The following GRIK2 variants were observed in gnomAD, a reference collection of about 807,000 sequenced individuals.
The protein encoded by GRIK2 is glutamate ionotropic receptor kainate type subunit 2, also known as glutamate receptor ionotropic, kainate 2.
A neutral mutation model predicts 100.3 loss-of-function variants in GRIK2; 32 were observed. The ratio of observed to expected loss-of-function variants is 0.32; its 90% CI spans 0.24 to 0.43. GRIK2 has a LOEUF of 0.43. Ranked by LOEUF, GRIK2 falls within the 20% of genes least tolerant of loss-of-function variation. The pLI is 1.00. For missense variants in GRIK2, 843 were observed against 1,114.9 expected (o/e 0.76, Z 3.47); for synonymous variants, 417 against 389.4 (o/e 1.07, Z -0.83).
At chr6:101,959,124 A>G (rs1792125124) in intron 14 of GRIK2, among the ~76,000 whole-genome samples, 1 of 152,084 alleles carries the variant, frequency 6.6e-6, no homozygotes, top group South Asian at 2.1e-4. Context: ...GATTGATACC[A>G]TCAATAAAAT....
At chr6:101,693,348 A>G (rs1582972122) in intron 7 of GRIK2, among the ~76,000 whole-genome samples, 1 of 152,108 alleles carries the variant, frequency 6.6e-6, no homozygotes, top group South Asian at 2.1e-4. Flanking sequence ...TTGATATAAT[A>G]TTATGTGACA....
At chr6:101,949,562 T>G (rs1425094547) in intron 14 of GRIK2, among the ~76,000 whole-genome samples, 1 of 152,110 alleles carries the variant, frequency 6.6e-6, no homozygotes, top group Non-Finnish European at 1.5e-5. Flanking sequence ...CCTGTGTCCA[T>G]GCGTTCTCAT....
chr6:101,497,505 G>T (rs901472978), intron 2 of GRIK2, among the ~76,000 whole-genome samples: 4 of 151,844 alleles, frequency 2.6e-5, no homozygotes, highest in African/African-American at 9.7e-5. Context: ...ATGACATTTT[G>T]CAGTTTTGAT....
chr6:101,818,490 A>G lies in GRIK2; in HGVS notation c.1317+7A>G, dbSNP rs750547464. ...GATTGTTACCACCATTTTGGTAAGT[A>G]TTTGCTTTTCCATTATTCTTAGTTA... On this transcript the variant is annotated splice_region_variant and intron_variant, in intron 10 of 16. Transcript: ENST00000369134. 4.7e-6 allele frequency: 7 copies of G among 1,478,734 alleles called. No individual in the cohort carries two copies. Among genetic ancestry groups the G allele is most frequent in the Non-Finnish European group, 2.8e-6 (3 of 1,057,070 alleles). The allele number at this position is 1,478,734 out of a possible 1,614,324, so 91.6% of individuals were successfully genotyped here. A position where few individuals can be genotyped will look rare whatever the true frequency, so the allele number is the denominator to read the frequency against.
rs368974597 is a variant in GRIK2, at chr6:101,401,726, T to C, written c.115+2334T>C. ...AACACGTTCTGAGTGGATTGGATGG[T>C]TGGTTGAGCACGTATAAGCCACTCT... On this transcript the variant is annotated intron_variant, in intron 2 of 16. Transcript: ENST00000369134. Among the ~76,000 whole-genome samples the C allele has an allele frequency of 1.7e-4, 26 of 152,318 alleles. 1 individual carries two copies. Among genetic ancestry groups the C allele is most frequent in the African/African-American group, 5.8e-4 (24 of 41,576 alleles).
intron 7 of GRIK2, among the ~76,000 whole-genome samples, chr6:101,713,580 G>A (rs1773861340): frequency 6.6e-6 from 1 of 151,768 alleles, no homozygotes. Context: ...TGATAAATCA[G>A]TTTCTCTTTA....
At chr6:101,792,728 G>C (rs1430931598) in intron 7 of GRIK2, among the ~76,000 whole-genome samples, 2 of 152,052 alleles carry the variant, frequency 1.3e-5, no homozygotes, top group Non-Finnish European at 2.9e-5. Context: ...GGTGTTCTCT[G>C]TATTTCCTGA....
At chr6:101,718,311 A>G (rs1341838020) in intron 7 of GRIK2, among the ~76,000 whole-genome samples, 1 of 151,818 alleles carries the variant, frequency 6.6e-6, no homozygotes, top group African/African-American at 2.4e-5. Flanking sequence ...CTAGAAAACC[A>G]TTGGGTGCCA....
At chr6:101,507,847 A>T (rs1774100168) in intron 2 of GRIK2, among the ~76,000 whole-genome samples, 1 of 152,200 alleles carries the variant, frequency 6.6e-6, no homozygotes, top group Non-Finnish European at 1.5e-5. Context: ...AAAGTAGGTA[A>T]TGGCAATATT....
At chr6:101,394,583 C>T (rs1219402143) in intron 1 of GRIK2, among the ~76,000 whole-genome samples, 1 of 152,168 alleles carries the variant, frequency 6.6e-6, no homozygotes, top group African/African-American at 2.4e-5. Context: ...GTTTATTCAT[C>T]TCCATACTGT....
chr6:101,879,070 C>T (rs1438169678), intron 11 of GRIK2, among the ~76,000 whole-genome samples: 1 of 151,974 alleles, frequency 6.6e-6, no homozygotes, highest in Non-Finnish European at 1.5e-5. Context: ...TTCTGGGAAG[C>T]GAAATGAGAG....
intron 7 of GRIK2, among the ~76,000 whole-genome samples, chr6:101,701,167 T>C (rs1247962503): frequency 6.6e-6 from 1 of 152,126 alleles, no homozygotes; most frequent in Non-Finnish European, 1.5e-5. Context: ...AGAAAAAAAT[T>C]TCAGACTTTT....
intron 2 of GRIK2, among the ~76,000 whole-genome samples, chr6:101,593,275 C>T (rs1582788824): frequency 6.6e-6 from 1 of 151,874 alleles, no homozygotes; most frequent in East Asian, 1.9e-4. Context: ...CAACTTCCTT[C>T]ATAAAGATTT....
intron 7 of GRIK2, among the ~76,000 whole-genome samples, chr6:101,729,714 C>T (rs1775127143): frequency 6.6e-6 from 1 of 150,980 alleles, no homozygotes; most frequent in Admixed American, 6.6e-5. Context: ...AGAGAGAATT[C>T]CAATTTTTCT....
At chr6:101,417,051 A>G (rs1358418394) in intron 2 of GRIK2, among the ~76,000 whole-genome samples, 1 of 152,194 alleles carries the variant, frequency 6.6e-6, no homozygotes, top group East Asian at 1.9e-4. Context: ...GGTTTAATTG[A>G]CTCACAGTTC....
intron 11 of GRIK2, among the ~76,000 whole-genome samples, chr6:101,862,328 T>TG (rs1433995880): frequency 2.6e-5 from 4 of 152,188 alleles, no homozygotes; most frequent in African/African-American, 4.8e-5. Flanking sequence ...TGAAATATTT[T>TG]GATTTCCTTC....
chr6:101,491,644 T>TTA (rs1447111105), intron 2 of GRIK2, among the ~76,000 whole-genome samples: 2 of 152,058 alleles, frequency 1.3e-5, no homozygotes, highest in Non-Finnish European at 2.9e-5. Flanking sequence ...TATTGAAGCA[T>TTA]TTGAATGTAA....
chr6:101,724,779 A>G (rs922298770), intron 7 of GRIK2, among the ~76,000 whole-genome samples: 1 of 152,004 alleles, frequency 6.6e-6, no homozygotes, highest in African/African-American at 2.4e-5. Context: ...GATTAAGACA[A>G]CACCTAATTC....
At chr6:101,774,587 G>A (rs1244564710) in intron 7 of GRIK2, among the ~76,000 whole-genome samples, 4 of 152,018 alleles carry the variant, frequency 2.6e-5, no homozygotes, top group African/African-American at 4.8e-5. Flanking sequence ...ATATCTCAAT[G>A]GACTGATCTT....
Sources: allele counts gnomAD v4.1 joint callset (sites outside exome capture counted in the v4.1 genomes callset), GRCh38; gene constraint gnomAD v4.1.1; transcripts MANE v1.5; gene names NCBI Gene and HGNC (gene_info 2026-07-23, HGNC 2026-07-21).